RBFOX1: variants seen among roughly 807,000 people sequenced by gnomAD.
RBFOX1 encodes RNA binding fox-1 homolog 1.
A neutral mutation model predicts 57.7 loss-of-function variants in RBFOX1; 8 were observed. The ratio of observed to expected loss-of-function variants is 0.14; its 90% CI spans 0.08 to 0.25. RBFOX1 has a LOEUF of 0.25. Among genes scored for constraint, RBFOX1 ranks in the 10% least tolerant of loss-of-function variants. RBFOX1 has a pLI of 1.00. For synonymous variants in RBFOX1, 326 were observed against 222.4 expected, an observed-to-expected ratio of 1.47 and a Z score of -4.15; for missense variants, 611 against 548.5, an observed-to-expected ratio of 1.11 and a Z score of -1.14.
intron 1 of RBFOX1, among the ~76,000 whole-genome samples, chr16:6,107,885 A>G (rs1189059245): frequency 6.6e-6 from 1 of 152,196 alleles, no homozygotes. Flanking sequence ...TGCTTCCACC[A>G]GTTTCCTGGA....
At chr16:5,936,495 A>T (rs956834243) in intron 4 of RBFOX1, among the ~76,000 whole-genome samples, 1 of 152,204 alleles carries the variant, frequency 6.6e-6, no homozygotes, top group Non-Finnish European at 1.5e-5. Context: ...TGTGTGAGCC[A>T]AGTTAATGAA....
At chr16:6,919,769 C>CTTTTTTTT (rs57240620) in intron 3 of RBFOX1, among the ~76,000 whole-genome samples, 6 of 123,500 alleles carry the variant, frequency 4.9e-5, no homozygotes, top group Admixed American at 8.7e-5. Flanking sequence ...TAAGATCATT[C>CTTTTTTTT]TTTTTTTTTT....
At chr16:6,647,213 G>A (rs952815474) in intron 2 of RBFOX1, among the ~76,000 whole-genome samples, 1 of 152,094 alleles carries the variant, frequency 6.6e-6, no homozygotes, top group Non-Finnish European at 1.5e-5. Context: ...GCTCTCTGGT[G>A]TCTCTTCTTA....
chr16:5,802,566 G>A (rs2055095404), intron 3 of RBFOX1, among the ~76,000 whole-genome samples: 2 of 152,104 alleles, frequency 1.3e-5, no homozygotes, highest in African/African-American at 2.4e-5. Context: ...TAACCTACGG[G>A]GAGAAAGTTT....
intron 4 of RBFOX1, among the ~76,000 whole-genome samples, chr16:7,299,288 C>G (rs1455396325): frequency 2.0e-5 from 3 of 152,324 alleles, no homozygotes; most frequent in African/African-American, 7.2e-5. Context: ...TGGCCGTAAA[C>G]TGTTCTAAAC....
chr16:6,897,066 G>A (rs2067117964), intron 3 of RBFOX1, among the ~76,000 whole-genome samples: 1 of 152,116 alleles, frequency 6.6e-6, no homozygotes, highest in South Asian at 2.1e-4. Flanking sequence ...CCTGAATGCT[G>A]GCAGCACCTG....
chr16:7,121,049 A>G (rs193072401), intron 4 of RBFOX1, among the ~76,000 whole-genome samples: 6 of 152,156 alleles, frequency 3.9e-5, no homozygotes. Context: ...AGTATTGGAA[A>G]ACAAAAGCTA....
chr16:5,700,748 C>A (rs574935377), intron 3 of RBFOX1, among the ~76,000 whole-genome samples: 48 of 152,292 alleles, frequency 3.2e-4, no homozygotes, highest in Middle Eastern at 3.4e-3. Flanking sequence ...TTATTACTTA[C>A]CCTTCTTTTA....
At chr16:6,887,434 A>G (rs901005041) in intron 3 of RBFOX1, among the ~76,000 whole-genome samples, 2 of 152,194 alleles carry the variant, frequency 1.3e-5, no homozygotes, top group Non-Finnish European at 2.9e-5. Context: ...TGTGGGCTCC[A>G]TGAAAACTAA....
intron 1 of RBFOX1, among the ~76,000 whole-genome samples, chr16:6,194,770 A>T (rs115085829): frequency 0.011 from 1,669 of 152,302 alleles, 50 homozygotes; most frequent in African/African-American, 0.038. Context: ...AATACTGTTT[A>T]TCTGTCCATT....
intron 1 of RBFOX1, among the ~76,000 whole-genome samples, chr16:5,354,178 G>A (rs909485440): frequency 7.9e-5 from 12 of 152,162 alleles, no homozygotes; most frequent in Admixed American, 2.0e-4. Flanking sequence ...GTGCACTTGC[G>A]GGAGCTGTTC....
rs551203880 is a variant in RBFOX1 at position 6,855,626 on chromosome 16, C to G, written c.-15-196431C>G. Among the ~76,000 whole-genome samples the G allele has an allele frequency of 1.5e-4, 21 of 141,514 alleles. No individual in the cohort carries two copies. In the South Asian group the frequency reaches 4.4e-3, roughly 29 times the overall value. The allele number at this position is 141,514 out of a possible 152,430, so 92.8% of individuals were successfully genotyped here. On this transcript the variant is annotated intron_variant, in intron 3 of 15. Coordinates refer to ENST00000550418, the MANE Select transcript of RBFOX1 (RefSeq NM_018723.4). Reference sequence around the variant, plus strand: ...CTGGATCGCACCACTTCACTCCAGCCTGGGCAACAGAGTGAGACTCCATCT... The same window carrying G: ...CTGGATCGCACCACTTCACTCCAGCGTGGGCAACAGAGTGAGACTCCATCT...
At chr16:7,393,436 T>C (rs1246846555) in intron 4 of RBFOX1, among the ~76,000 whole-genome samples, 3 of 152,170 alleles carry the variant, frequency 2.0e-5, no homozygotes, top group South Asian at 2.1e-4. Context: ...TACACACTTA[T>C]AGGAGCACAC....
intron 3 of RBFOX1, among the ~76,000 whole-genome samples, chr16:6,702,581 T>C (rs576286350): frequency 1.4e-4 from 21 of 151,904 alleles, no homozygotes; most frequent in Admixed American, 1.4e-3. Context: ...ATCCAAATTA[T>C]ATCAACATTC....
chr16:6,557,131 A>G (rs371162555), intron 2 of RBFOX1, among the ~76,000 whole-genome samples: 2 of 145,834 alleles, frequency 1.4e-5, no homozygotes, highest in East Asian at 3.9e-4. Context: ...ACATACATAT[A>G]CATATATACA....
At chr16:6,931,338 T>TA (rs1360394265) in intron 3 of RBFOX1, among the ~76,000 whole-genome samples, 1 of 131,216 alleles carries the variant, frequency 7.6e-6, no homozygotes, top group African/African-American at 3.5e-5. Context: ...TCTATCTATC[T>TA]CTACACACAC....
intron 2 of RBFOX1, among the ~76,000 whole-genome samples, chr16:5,584,467 C>G (rs2046768117): frequency 6.6e-6 from 1 of 152,216 alleles, no homozygotes; most frequent in Non-Finnish European, 1.5e-5. Flanking sequence ...ACGTCTATTT[C>G]TGATACCATT....
chr16:5,461,705 A>T (rs752491731), intron 1 of RBFOX1, among the ~76,000 whole-genome samples: 2 of 152,144 alleles, frequency 1.3e-5, no homozygotes, highest in Non-Finnish European at 2.9e-5. Flanking sequence ...CCTTGGCAGA[A>T]CCTAATGAAA....
chr16:6,377,303 A>G (rs1486699525), intron 2 of RBFOX1, among the ~76,000 whole-genome samples: 2 of 151,858 alleles, frequency 1.3e-5, no homozygotes, highest in Non-Finnish European at 2.9e-5. Flanking sequence ...AAAAGAAAAA[A>G]AAAGGTATCA....
Sources: gnomAD v4.1 joint callset for allele counts (sites outside exome capture counted in the v4.1 genomes callset) on GRCh38, gnomAD v4.1.1 for gene constraint, MANE v1.5 for transcripts, NCBI Gene and HGNC (gene_info 2026-07-23, HGNC 2026-07-21) for gene names.